The following SEMA5A variants were observed in gnomAD, a reference collection of about 807,000 sequenced individuals.
SEMA5A encodes the protein semaphorin-5A.
In SEMA5A, 55 loss-of-function variants were observed where a neutral mutation model predicts 135.5. The observed-to-expected ratio is 0.41, with a 90% CI of 0.33 to 0.51. SEMA5A has a LOEUF of 0.51. Among genes scored for constraint, SEMA5A ranks in the 20% least tolerant of loss-of-function variants. SEMA5A has a pLI of 0.37. For synonymous variants in SEMA5A, 580 were observed against 546.5 expected (o/e 1.06, Z -0.85); for missense variants, 1,290 against 1,419.9 (o/e 0.91, Z 1.47).
chr5:9,064,637 C>G (rs530071417), intron 17 of SEMA5A, among the ~76,000 whole-genome samples: 6 of 152,048 alleles, frequency 3.9e-5, no homozygotes, highest in Non-Finnish European at 8.8e-5. Flanking sequence ...CAGACCGGGG[C>G]CTGTCGGGGG....
chr5:9,196,601 C>A (rs1233094807), intron 10 of SEMA5A, among the ~76,000 whole-genome samples: 1 of 152,330 alleles, frequency 6.6e-6, no homozygotes, highest in East Asian at 1.9e-4. Context: ...GTCCCAGCTT[C>A]TTCTGAACAC....
chr5:9,309,686 G>T (rs73742633), intron 5 of SEMA5A, among the ~76,000 whole-genome samples: 3,239 of 152,190 alleles, frequency 0.021, 116 homozygotes, highest in African/African-American at 0.074. Flanking sequence ...TTCTGCATGT[G>T]AATGTTCAGC....
intron 2 of SEMA5A, among the ~76,000 whole-genome samples, chr5:9,403,638 T>C (rs1372135030): frequency 2.0e-5 from 3 of 152,214 alleles, no homozygotes; most frequent in Non-Finnish European, 4.4e-5. Context: ...TGCCACATTA[T>C]AATGAAAATT....
intron 11 of SEMA5A, among the ~76,000 whole-genome samples, chr5:9,162,241 A>G (rs897654004): frequency 1.3e-5 from 2 of 152,130 alleles, no homozygotes; most frequent in African/African-American, 4.8e-5. Context: ...TGCGGCCAAC[A>G]TGATTTTCCA....
In SEMA5A at chr5:9,041,542, G is replaced by A. The variant is rs1208682659; in HGVS notation, c.*1355C>T. ...AGCACACTCTTAAATGCTTATCGAT[G>A]ATCAGTGAAGAGACCACAGGGATCC... is the stretch of plus-strand genomic sequence containing the variant. On this transcript the variant is annotated 3_prime_UTR_variant, in exon 23 of 23. Coordinates refer to ENST00000382496, the MANE Select transcript of SEMA5A (RefSeq NM_003966.3). 3 of 152,198 alleles carry A rather than the reference G, an allele frequency of 2.0e-5. No individual in the cohort carries two copies. The highest frequency in any genetic ancestry group is 4.4e-5 in the Non-Finnish European group (3 of 68,046). 9.4% of individuals were successfully genotyped at this position (152,198 alleles called of 1,614,324 possible). A position where few individuals can be genotyped will look rare whatever the true frequency, so the allele number is the denominator to read the frequency against.
At chr5:9,387,298 A>G (rs945906964) in intron 2 of SEMA5A, among the ~76,000 whole-genome samples, 9 of 152,196 alleles carry the variant, frequency 5.9e-5, no homozygotes, top group Non-Finnish European at 1.3e-4. Flanking sequence ...GGTATCCTTA[A>G]TCTGTATTAA....
At chr5:9,182,919 T>C (rs771918952) in intron 11 of SEMA5A, among the ~76,000 whole-genome samples, 1 of 152,134 alleles carries the variant, frequency 6.6e-6, no homozygotes, top group African/African-American at 2.4e-5. Flanking sequence ...TCAGTAATTA[T>C]TATTATGCTT....
intron 9 of SEMA5A, among the ~76,000 whole-genome samples, chr5:9,197,747 TGTGTGTGTGTGTGTGTGTG>T: frequency 7.4e-6 from 1 of 134,250 alleles, no homozygotes; most frequent in South Asian, 2.4e-4. Context: ...TGTGTGTGTG[TGTGTGTGTGTGTGTGTGTG>T]TGTGTGTGTG....
chr5:9,216,261 A>G (rs936468584), intron 8 of SEMA5A, among the ~76,000 whole-genome samples: 6 of 152,140 alleles, frequency 3.9e-5, no homozygotes, highest in Admixed American at 3.9e-4. Flanking sequence ...ACCCAGGAGC[A>G]TGTTGTTCGA....
intron 1 of SEMA5A, among the ~76,000 whole-genome samples, chr5:9,486,347 T>C (rs530037673): frequency 6.6e-6 from 1 of 152,268 alleles, no homozygotes; most frequent in Admixed American, 6.5e-5. Context: ...ACCTAGATGA[T>C]GGGTTGATAG....
intron 5 of SEMA5A, among the ~76,000 whole-genome samples, chr5:9,316,139 A>G (rs1305676319): frequency 1.3e-5 from 2 of 152,156 alleles, no homozygotes; most frequent in African/African-American, 4.8e-5. Flanking sequence ...CTCTGGCATT[A>G]TCTATTTTGA....
At chr5:9,112,418 A>G (rs1273602988) in intron 15 of SEMA5A, among the ~76,000 whole-genome samples, 1 of 152,198 alleles carries the variant, frequency 6.6e-6, no homozygotes, top group Non-Finnish European at 1.5e-5. Context: ...GTTAACCTGA[A>G]CCAATCAGGG....
At chr5:9,421,692 TC>T (rs1207366664) in intron 2 of SEMA5A, among the ~76,000 whole-genome samples, 1 of 152,234 alleles carries the variant, frequency 6.6e-6, no homozygotes, top group Non-Finnish European at 1.5e-5. Context: ...ATGGGTGTTA[TC>T]TTTTTTCTCT....
chr5:9,298,569 C>A (rs530774983), intron 5 of SEMA5A, among the ~76,000 whole-genome samples: 1 of 152,166 alleles, frequency 6.6e-6, no homozygotes, highest in African/African-American at 2.4e-5. Context: ...TTTAAAAGTT[C>A]TCTCCTAAAT....
At chr5:9,055,702 A>G (rs766267765) in intron 18 of SEMA5A, among the ~76,000 whole-genome samples, 5 of 152,172 alleles carry the variant, frequency 3.3e-5, no homozygotes, top group African/African-American at 7.2e-5. Context: ...TAAGTTTGCA[A>G]TCTAACTGGA....
intron 4 of SEMA5A, among the ~76,000 whole-genome samples, chr5:9,329,786 CT>C (rs1753038599): frequency 6.6e-6 from 1 of 152,126 alleles, no homozygotes; most frequent in Non-Finnish European, 1.5e-5. Flanking sequence ...AGAGCATTGG[CT>C]CCAAGACCAC....
At chr5:9,325,238 CTTT>C (rs10710962) in intron 4 of SEMA5A, among the ~76,000 whole-genome samples, 2 of 145,250 alleles carry the variant, frequency 1.4e-5, no homozygotes. Context: ...TATGGATCTA[CTTT>C]TTTTTTTTTT....
intron 3 of SEMA5A, among the ~76,000 whole-genome samples, chr5:9,343,586 T>A (rs569228877): frequency 4.6e-5 from 7 of 152,162 alleles, no homozygotes. Context: ...CTCCTTAAAG[T>A]TGGCATGCTT....
chr5:9,056,339 T>C (rs1736889577), intron 18 of SEMA5A, among the ~76,000 whole-genome samples: 1 of 152,200 alleles, frequency 6.6e-6, no homozygotes, highest in Admixed American at 6.5e-5. Flanking sequence ...TTGGTGAGGA[T>C]GTGAAGAAAT....
Sources: gnomAD v4.1 joint callset for allele counts (sites outside exome capture counted in the v4.1 genomes callset) on GRCh38, gnomAD v4.1.1 for gene constraint, MANE v1.5 for transcripts, NCBI Gene and HGNC (gene_info 2026-07-23, HGNC 2026-07-21) for gene names.